GRIK2: variants seen among roughly 807,000 people sequenced by gnomAD.
GRIK2 encodes the protein glutamate receptor ionotropic, kainate 2.
A neutral mutation model predicts 100.3 loss-of-function variants in GRIK2; 32 were observed. The observed-to-expected ratio is 0.32, with a 90% CI of 0.24 to 0.43. GRIK2 has a LOEUF of 0.43. Ranked by LOEUF, GRIK2 falls within the 20% of genes least tolerant of loss-of-function variation. The probability of loss-of-function intolerance (pLI) is 1.00; values close to 1 mark genes in which losing one functional copy is unlikely to be tolerated. For synonymous variants in GRIK2, 417 were observed against 389.4 expected, an observed-to-expected ratio of 1.07 and a Z score of -0.83; for missense variants, 843 against 1,114.9, an observed-to-expected ratio of 0.76 and a Z score of 3.47.
At chr6:102,011,036 G>A (rs983605719) in intron 14 of GRIK2, among the ~76,000 whole-genome samples, 3 of 152,072 alleles carry the variant, frequency 2.0e-5, no homozygotes, top group African/African-American at 7.2e-5. Flanking sequence ...TTTTCAACTC[G>A]TTAGGGTGAA....
chr6:101,884,988 G>C (rs1361449), intron 11 of GRIK2, among the ~76,000 whole-genome samples: 106,811 of 151,984 alleles, frequency 0.7, 39,018 homozygotes, highest in East Asian at 0.92. Context: ...TAGATTTCCA[G>C]GGAGGGAAAC....
intron 4 of GRIK2, among the ~76,000 whole-genome samples, chr6:101,641,978 A>G (rs1781294533): frequency 6.6e-6 from 1 of 152,072 alleles, no homozygotes; most frequent in South Asian, 2.1e-4. Context: ...TTTTCTTGGT[A>G]CAGTTTAATT....
intron 14 of GRIK2, among the ~76,000 whole-genome samples, chr6:101,938,616 A>C (rs1790754641): frequency 6.6e-6 from 1 of 152,072 alleles, no homozygotes; most frequent in South Asian, 2.1e-4. Context: ...TAATGCACAA[A>C]GGTGAGCACT....
chr6:102,052,513 C>G (rs1455573481), intron 15 of GRIK2, among the ~76,000 whole-genome samples: 1 of 152,116 alleles, frequency 6.6e-6, no homozygotes, highest in Non-Finnish European at 1.5e-5. Context: ...CGGTGTCTCA[C>G]TTGCTGAAAA....
At chr6:101,632,928 A>G (rs530313798) in intron 4 of GRIK2, among the ~76,000 whole-genome samples, 1 of 152,232 alleles carries the variant, frequency 6.6e-6, no homozygotes, top group East Asian at 1.9e-4. Flanking sequence ...TTATAAAATT[A>G]TCATGAAGGA....
Position 101,560,716 on chromosome 6 carries a change from A to ATT in GRIK2, c.116-61226_116-61225dup, listed in dbSNP as rs34479191. 7.0e-3 allele frequency among the ~76,000 whole-genome samples: 1,070 copies of ATT among 151,900 alleles called. 13 individuals are homozygous for ATT. Among genetic ancestry groups the ATT allele is most frequent in the Non-Finnish European group, 0.012 (821 of 67,886 alleles). ...AACTTGATGCCCTTTGTATCAGTAA[A>ATT]TTTTTTTTCCTTTCAAAGCAAAGAA... On this transcript the variant is annotated intron_variant, in intron 2 of 16. Coordinates refer to ENST00000369134, the MANE Select transcript of GRIK2 (RefSeq NM_021956.5).
chr6:101,932,576 T>G (rs550925662), intron 14 of GRIK2, among the ~76,000 whole-genome samples: 4 of 151,534 alleles, frequency 2.6e-5, no homozygotes, highest in South Asian at 4.2e-4. Flanking sequence ...TTTACATTCT[T>G]TGAAGTTTTT....
chr6:101,865,250 A>G (rs1784977890), intron 11 of GRIK2, among the ~76,000 whole-genome samples: 1 of 152,342 alleles, frequency 6.6e-6, no homozygotes, highest in East Asian at 1.9e-4. Context: ...ACGATGCCAC[A>G]GATTTCCAGC....
chr6:101,835,346 G>T (rs778080109), intron 10 of GRIK2, among the ~76,000 whole-genome samples: 1 of 151,692 alleles, frequency 6.6e-6, no homozygotes, highest in South Asian at 2.1e-4. Context: ...TTAAGTAAGG[G>T]TGATTTAAAT....
chr6:102,069,261 T>G lies in GRIK2; in HGVS notation c.*750T>G, dbSNP rs1772157272. 6.8e-6 allele frequency: 1 copy of G among 147,432 alleles called. No homozygotes were observed. Among genetic ancestry groups the G allele is most frequent in the South Asian group, 2.1e-4 (1 of 4,750 alleles). The allele number at this position is 147,432 out of a possible 1,614,324, so 9.1% of individuals were successfully genotyped here. On this transcript the variant is annotated 3_prime_UTR_variant, in exon 17 of 17. Coordinates refer to ENST00000369134, the MANE Select transcript of GRIK2 (RefSeq NM_021956.5). Reference sequence around the variant, plus strand: ...GCAATTCTACCAGATCCCTTCCTATTCCCCCAACACCTTTTCTCTAACCCC... The same window carrying G: ...GCAATTCTACCAGATCCCTTCCTATGCCCCCAACACCTTTTCTCTAACCCC...
At chr6:101,819,178 C>T (rs1481882843) in intron 10 of GRIK2, among the ~76,000 whole-genome samples, 1 of 152,132 alleles carries the variant, frequency 6.6e-6, no homozygotes, top group Non-Finnish European at 1.5e-5. Context: ...AAGCAAATAG[C>T]TCTTACATTA....
intron 7 of GRIK2, among the ~76,000 whole-genome samples, chr6:101,771,626 G>A (rs957705757): frequency 1.3e-5 from 2 of 151,418 alleles, no homozygotes; most frequent in African/African-American, 4.9e-5. Flanking sequence ...TTGGTGTGCT[G>A]CATCCATTAA....
intron 10 of GRIK2, among the ~76,000 whole-genome samples, chr6:101,819,856 TCAA>T (rs1231246241): frequency 1.3e-5 from 2 of 152,092 alleles, no homozygotes; most frequent in Non-Finnish European, 1.5e-5. Flanking sequence ...AAGGACAACA[TCAA>T]CAACAACAAC....
intron 2 of GRIK2, among the ~76,000 whole-genome samples, chr6:101,603,510 A>C (rs574111304): frequency 4.0e-5 from 6 of 151,798 alleles, no homozygotes; most frequent in African/African-American, 1.2e-4. Context: ...GATTGGGTCT[A>C]AAGCTATTTG....
chr6:101,651,010 T>C (rs756914363), intron 4 of GRIK2, among the ~76,000 whole-genome samples: 3,564 of 146,310 alleles, frequency 0.024, 58 homozygotes, highest in Non-Finnish European at 0.036. Flanking sequence ...TTTTCTTTTT[T>C]TTTTTTTTTT....
intron 4 of GRIK2, among the ~76,000 whole-genome samples, chr6:101,667,686 G>GTAT (rs1181244115): frequency 1.8e-4 from 27 of 152,050 alleles, no homozygotes; most frequent in Non-Finnish European, 3.1e-4. Flanking sequence ...CATCTATACT[G>GTAT]TATTATTATT....
At chr6:101,659,065 A>C (rs1262302839) in intron 4 of GRIK2, among the ~76,000 whole-genome samples, 1 of 152,154 alleles carries the variant, frequency 6.6e-6, no homozygotes, top group Non-Finnish European at 1.5e-5. Context: ...TTTTGTTGCC[A>C]TTGCTTTTGG....
At chr6:102,045,060 AT>A (rs36031815) in intron 15 of GRIK2, among the ~76,000 whole-genome samples, 2 of 152,012 alleles carry the variant, frequency 1.3e-5, no homozygotes, top group Non-Finnish European at 2.9e-5. Context: ...AAATGAATCA[AT>A]TTTTACCCAT....
Position 101,634,574 on chromosome 6 carries a change from A to G in GRIK2, c.541+7937A>G, listed in dbSNP as rs1780915933. Among the ~76,000 whole-genome samples, 2 of 152,106 alleles carry G rather than the reference A, an allele frequency of 1.3e-5. 1 individual carries two copies. The highest frequency in any genetic ancestry group is 2.9e-5 in the Non-Finnish European group (2 of 68,008). On this transcript the variant is annotated intron_variant, in intron 4 of 16. Transcript: ENST00000369134. ...TTGAACTTCTTTGTAGTATTAGGAA[A>G]TGAAGAAAATCAACAAAAAACAATG...
Sources: gnomAD v4.1 joint callset for allele counts (sites outside exome capture counted in the v4.1 genomes callset) on GRCh38, gnomAD v4.1.1 for gene constraint, MANE v1.5 for transcripts, NCBI Gene and HGNC (gene_info 2026-07-23, HGNC 2026-07-21) for gene names.